The following WWOX variants were observed in gnomAD, a reference collection of about 807,000 sequenced individuals.
WWOX encodes WW domain containing oxidoreductase.
WWOX carries 69 observed loss-of-function variants against 46.2 expected under a neutral mutation model. That is an observed-to-expected ratio of 1.49 (90% CI 1.23 to 1.82). WWOX has a LOEUF of 1.82. WWOX is among the 40% of genes most tolerant of loss of function. The pLI is 0.00. For missense variants in WWOX, 919 were observed against 542.6 expected, an observed-to-expected ratio of 1.69 and a Z score of -6.89; for synonymous variants, 359 against 202.6, an observed-to-expected ratio of 1.77 and a Z score of -6.56.
intron 8 of WWOX, among the ~76,000 whole-genome samples, chr16:78,908,992 C>G (rs538244123): frequency 6.6e-6 from 1 of 152,260 alleles, no homozygotes; most frequent in South Asian, 2.1e-4. Flanking sequence ...CAGTCTAGTC[C>G]CCAGGCAGGA....
chr16:78,789,783 C>G (rs1472568362), intron 8 of WWOX, among the ~76,000 whole-genome samples: 5 of 152,280 alleles, frequency 3.3e-5, no homozygotes, highest in African/African-American at 1.2e-4. Flanking sequence ...ATACAACTTG[C>G]AGGAAAAGCT....
chr16:78,485,219 T>G (rs1039718566), intron 8 of WWOX, among the ~76,000 whole-genome samples: 1 of 152,152 alleles, frequency 6.6e-6, no homozygotes, highest in East Asian at 1.9e-4. Context: ...GTGTAGAGTT[T>G]CATATACTCC....
intron 8 of WWOX, among the ~76,000 whole-genome samples, chr16:78,476,347 G>C (rs1251203228): frequency 6.6e-6 from 1 of 151,096 alleles, no homozygotes; most frequent in African/African-American, 2.5e-5. Flanking sequence ...TCAGCAAACT[G>C]TTGCAAGGAC....
intron 8 of WWOX, among the ~76,000 whole-genome samples, chr16:78,805,530 G>A (rs139104660): frequency 4.5e-4 from 68 of 152,010 alleles, no homozygotes; most frequent in Middle Eastern, 3.4e-3. Flanking sequence ...TGATCCGCCC[G>A]CCTCAGCCTC....
At chr16:78,968,737 T>A (rs964175763) in intron 8 of WWOX, among the ~76,000 whole-genome samples, 1 of 152,118 alleles carries the variant, frequency 6.6e-6, no homozygotes, top group Non-Finnish European at 1.5e-5. Flanking sequence ...ACCATGCTCA[T>A]TGGTTTTAGG....
At chr16:79,211,155 C>G (rs944384099) in intron 8 of WWOX, among the ~76,000 whole-genome samples, 5 of 152,086 alleles carry the variant, frequency 3.3e-5, no homozygotes, top group African/African-American at 4.8e-5. Context: ...CTTGGGTTTT[C>G]TACCTGATGG....
chr16:79,183,744 G>T (rs1315260455), intron 8 of WWOX, among the ~76,000 whole-genome samples: 2 of 152,154 alleles, frequency 1.3e-5, no homozygotes, highest in African/African-American at 4.8e-5. Context: ...CCACTCTACA[G>T]ATGAGAAAAT....
chr16:78,211,285 G>T (rs1309402924), intron 5 of WWOX, among the ~76,000 whole-genome samples: 2 of 152,190 alleles, frequency 1.3e-5, no homozygotes, highest in Non-Finnish European at 2.9e-5. Context: ...TGTGGCAGGG[G>T]ACTCACACGT....
intron 8 of WWOX, among the ~76,000 whole-genome samples, chr16:79,103,669 T>C (rs2049248510): frequency 6.6e-6 from 1 of 152,166 alleles, no homozygotes; most frequent in Non-Finnish European, 1.5e-5. Flanking sequence ...ACCTATCCAG[T>C]CCATGCATAT....
At chr16:79,021,330 A>G (rs2047528810) in intron 8 of WWOX, among the ~76,000 whole-genome samples, 1 of 152,184 alleles carries the variant, frequency 6.6e-6, no homozygotes, top group South Asian at 2.1e-4. Context: ...TCTACTCTCA[A>G]GAAACTCGCT....
intron 8 of WWOX, among the ~76,000 whole-genome samples, chr16:79,168,649 A>AT (rs1353953827): frequency 9.2e-5 from 14 of 152,240 alleles, no homozygotes; most frequent in African/African-American, 3.4e-4. Flanking sequence ...GTCGACTAGA[A>AT]TTTCCAGGTA....
At position 78,576,017 on chromosome 16, in the gene WWOX, A is replaced by G. The variant is rs1306468168; in HGVS notation, c.1056+143265A>G. ...CAGAGCATGTACTGGATTATCATTT[A>G]TTTATGAGGCTTTTTTTAATCTAGA... On this transcript the variant is annotated intron_variant, in intron 8 of 8. Transcript: ENST00000566780. 3.3e-5 allele frequency among the ~76,000 whole-genome samples: 5 copies of G among 152,208 alleles called. 1 individual carries two copies. The highest frequency in any genetic ancestry group is 6.8e-3 in the Middle Eastern group (2 of 294).
chr16:78,987,793 A>T lies in WWOX; in HGVS notation c.1057-223815A>T, dbSNP rs555048196. Among the ~76,000 whole-genome samples the T allele has an allele frequency of 1.1e-3, 173 of 152,242 alleles. 1 individual carries two copies. The highest frequency in any genetic ancestry group is 4.0e-3 in the African/African-American group (166 of 41,542). ...TGGGCTGATGAACTTGTCAACTTTT[A>T]AAAAATGTGCTCTCCAAAAATTTCC... On this transcript the variant is annotated intron_variant, in intron 8 of 8. Transcript: ENST00000566780.
intron 6 of WWOX, among the ~76,000 whole-genome samples, chr16:78,399,967 C>T (rs73571019): frequency 1.3e-5 from 2 of 152,148 alleles, no homozygotes; most frequent in Non-Finnish European, 2.9e-5. Flanking sequence ...TGCTGAAAAT[C>T]CCCAAGGAAG....
chr16:78,812,565 TA>T (rs113895537), intron 8 of WWOX, among the ~76,000 whole-genome samples: 4,588 of 144,398 alleles, frequency 0.032, 75 homozygotes, highest in African/African-American at 0.049. Context: ...CTACTAAAAA[TA>T]AAAAAAAAAA....
intron 8 of WWOX, among the ~76,000 whole-genome samples, chr16:78,758,712 C>A (rs1434997513): frequency 6.6e-6 from 1 of 152,198 alleles, no homozygotes; most frequent in South Asian, 2.1e-4. Context: ...ATTGACCTCT[C>A]TGAGCCCATT....
At chr16:78,243,488 T>A (rs182432588) in intron 5 of WWOX, among the ~76,000 whole-genome samples, 1 of 151,962 alleles carries the variant, frequency 6.6e-6, no homozygotes, top group Admixed American at 6.6e-5. Flanking sequence ...ACCCAATAGG[T>A]GCTTTTTCGG....
chr16:78,701,565 C>T (rs2048218409), intron 8 of WWOX, among the ~76,000 whole-genome samples: 1 of 152,028 alleles, frequency 6.6e-6, no homozygotes, highest in Admixed American at 6.6e-5. Flanking sequence ...TTCCCAGCCT[C>T]CCCCCGATAT....
intron 8 of WWOX, among the ~76,000 whole-genome samples, chr16:79,011,024 A>G (rs986868081): frequency 7.2e-5 from 11 of 152,102 alleles, no homozygotes; most frequent in Non-Finnish European, 7.3e-5. Context: ...GATTTCTAAC[A>G]TCTCACCATC....
Sources: allele counts gnomAD v4.1 joint callset (sites outside exome capture counted in the v4.1 genomes callset), GRCh38; gene constraint gnomAD v4.1.1; transcripts MANE v1.5; gene names NCBI Gene and HGNC (gene_info 2026-07-23, HGNC 2026-07-21).